SORCS3: variants seen among roughly 807,000 people sequenced by gnomAD.
SORCS3 encodes the protein sortilin related VPS10 domain containing receptor 3, also known as VPS10 domain-containing receptor SorCS3.
In SORCS3, 57 loss-of-function variants were observed where a neutral mutation model predicts 146.3. That is an observed-to-expected ratio of 0.39 (90% CI 0.31 to 0.49). The LOEUF is 0.49. Ranked by LOEUF, SORCS3 falls within the 20% of genes least tolerant of loss-of-function variation. The pLI is 0.92. For missense variants in SORCS3, 1,341 were observed against 1,575.5 expected (o/e 0.85, Z 2.52); for synonymous variants, 653 against 618.5 (o/e 1.06, Z -0.83).
chr10:105,223,527 C>A (rs906369172), intron 20 of SORCS3, among the ~76,000 whole-genome samples: 1 of 152,306 alleles, frequency 6.6e-6, no homozygotes, highest in Non-Finnish European at 1.5e-5. Flanking sequence ...AAATTTCATT[C>A]GTTCCATTTT....
At chr10:104,918,484 G>T (rs1269881203) in intron 3 of SORCS3, among the ~76,000 whole-genome samples, 1 of 152,180 alleles carries the variant, frequency 6.6e-6, no homozygotes. Flanking sequence ...TTAAAGCTTG[G>T]TGCCATGTCC....
In SORCS3 at chr10:104,699,051, G is replaced by A. The variant is rs188387791; in HGVS notation, c.627+57097G>A. On this transcript the variant is annotated intron_variant, in intron 1 of 26. Coordinates refer to ENST00000369701, the MANE Select transcript of SORCS3 (RefSeq NM_014978.3). ...TAGCTGTAAAGAGAAGGGATCCATC[G>A]TCTTCTGATTATATTTGTTAGTTTC... Among the ~76,000 whole-genome samples, 287 of 152,234 alleles carry A rather than the reference G, an allele frequency of 1.9e-3. 2 individuals are homozygous for A. Among genetic ancestry groups the A allele is most frequent in the African/African-American group, 6.5e-3 (271 of 41,542 alleles).
rs2056293709 is a variant in SORCS3, at chr10:105,164,324, C to T, written c.1754C>T (p.Ser585Leu). 6.2e-7 allele frequency: 1 copy of T among 1,613,500 alleles called. No homozygotes were observed. The highest frequency in any genetic ancestry group is 8.5e-7 in the Non-Finnish European group (1 of 1,179,660). The change falls in exon 12 of 27, where the codon TCA becomes TTA. Residue 585 changes from serine (S) to leucine (L), a missense_variant. By Grantham distance (145) the Ser-to-Leu change is moderately radical. Coordinates refer to ENST00000369701, the MANE Select transcript of SORCS3 (RefSeq NM_014978.3). ...VATGNIGPEL[S>L]YTDIGVFISS... ...TCAGGCAACATTGGCCCGGAGCTCTCATATACTGATATTGGTGTGTTCATC... is the reference window on the plus strand; with the variant it reads ...TCAGGCAACATTGGCCCGGAGCTCTTATATACTGATATTGGTGTGTTCATC...
chr10:105,093,908 T>G (rs1365705470), intron 6 of SORCS3, among the ~76,000 whole-genome samples: 1 of 152,140 alleles, frequency 6.6e-6, no homozygotes, highest in Non-Finnish European at 1.5e-5. Flanking sequence ...AATGAAAAAT[T>G]TATATTCACA....
intron 23 of SORCS3, among the ~76,000 whole-genome samples, chr10:105,254,512 T>C (rs1348233975): frequency 1.3e-5 from 2 of 152,212 alleles, no homozygotes; most frequent in Admixed American, 6.5e-5. Context: ...TCAGTATACA[T>C]AGGAGAATGG....
chr10:104,824,498 T>C (rs2017913270), intron 1 of SORCS3, among the ~76,000 whole-genome samples: 3 of 152,134 alleles, frequency 2.0e-5, no homozygotes, highest in African/African-American at 7.2e-5. Flanking sequence ...TTGTAATTTG[T>C]AGGATTGAAT....
intron 1 of SORCS3, among the ~76,000 whole-genome samples, chr10:104,688,257 C>T (rs1335197307): frequency 6.6e-6 from 1 of 152,230 alleles, no homozygotes. Flanking sequence ...GGAAGCCCTG[C>T]ACCCTGACTG....
intron 2 of SORCS3, among the ~76,000 whole-genome samples, chr10:104,883,516 C>T (rs537515008): frequency 6.6e-6 from 1 of 152,260 alleles, no homozygotes; most frequent in South Asian, 2.1e-4. Context: ...AAGGCAAAAC[C>T]TTAGACTTTA....
intron 1 of SORCS3, among the ~76,000 whole-genome samples, chr10:104,773,881 G>C (rs1238196982): frequency 6.6e-6 from 1 of 152,124 alleles, no homozygotes; most frequent in African/African-American, 2.4e-5. Flanking sequence ...CTCAATGTGT[G>C]GTCCAAAACC....
intron 1 of SORCS3, among the ~76,000 whole-genome samples, chr10:104,772,703 A>G (rs1564680084): frequency 6.6e-6 from 1 of 152,192 alleles, no homozygotes; most frequent in Non-Finnish European, 1.5e-5. Flanking sequence ...GTTCTCTGCC[A>G]GGAAAGACCT....
intron 9 of SORCS3, among the ~76,000 whole-genome samples, chr10:105,150,373 C>T (rs775488007): frequency 1.2e-3 from 178 of 152,170 alleles, no homozygotes; most frequent in African/African-American, 4.1e-3. Context: ...CCTATGACAC[C>T]GCAGCACTGA....
intron 1 of SORCS3, among the ~76,000 whole-genome samples, chr10:104,684,509 G>A (rs1280403086): frequency 6.6e-6 from 1 of 152,200 alleles, no homozygotes; most frequent in African/African-American, 2.4e-5. Context: ...CACAGATGTA[G>A]GTAAGGCTGA....
chr10:105,211,485 C>T (rs1340374483), intron 17 of SORCS3, among the ~76,000 whole-genome samples: 1 of 152,164 alleles, frequency 6.6e-6, no homozygotes, highest in Non-Finnish European at 1.5e-5. Flanking sequence ...TTATGATAGA[C>T]CATAGTTACT....
At chr10:104,680,603 G>A (rs2015959614) in intron 1 of SORCS3, among the ~76,000 whole-genome samples, 1 of 152,206 alleles carries the variant, frequency 6.6e-6, no homozygotes, top group Non-Finnish European at 1.5e-5. Flanking sequence ...TCTGTAAAAT[G>A]GGGATAATTC....
At chr10:104,675,026 G>C (rs1048713177) in intron 1 of SORCS3, among the ~76,000 whole-genome samples, 3 of 152,162 alleles carry the variant, frequency 2.0e-5, no homozygotes, top group South Asian at 2.1e-4. Flanking sequence ...GTAGATTTTA[G>C]TAGATACCAC....
intron 1 of SORCS3, among the ~76,000 whole-genome samples, chr10:104,658,424 C>A (rs1006389450): frequency 1.3e-5 from 2 of 152,204 alleles, no homozygotes; most frequent in Non-Finnish European, 2.9e-5. Context: ...TGTGATGAAA[C>A]AGCACAAGTC....
chr10:104,714,226 A>G (rs1232347993), intron 1 of SORCS3, among the ~76,000 whole-genome samples: 1 of 151,596 alleles, frequency 6.6e-6, no homozygotes, highest in Non-Finnish European at 1.5e-5. Flanking sequence ...AATTTTCTCT[A>G]TTGTTTTTCT....
chr10:105,247,946 G>A (rs1187625494), intron 22 of SORCS3, among the ~76,000 whole-genome samples: 1 of 152,126 alleles, frequency 6.6e-6, no homozygotes. Flanking sequence ...CTAATATTAT[G>A]CACTTGTCTG....
chr10:105,178,696 G>C (rs2056423969), intron 14 of SORCS3, among the ~76,000 whole-genome samples: 1 of 151,988 alleles, frequency 6.6e-6, no homozygotes, highest in Non-Finnish European at 1.5e-5. Context: ...CTTTTATAAT[G>C]AGATTTAATC....
Sources: gnomAD v4.1 joint callset for allele counts (sites outside exome capture counted in the v4.1 genomes callset) on GRCh38, gnomAD v4.1.1 for gene constraint, MANE v1.5 for transcripts, NCBI Gene and HGNC (gene_info 2026-07-23, HGNC 2026-07-21) for gene names.